The following NSUN2 variants were observed in gnomAD, a reference collection of about 807,000 sequenced individuals.
NSUN2 encodes the protein RNA cytosine C(5)-methyltransferase NSUN2.
A neutral mutation model predicts 92.7 loss-of-function variants in NSUN2; 63 were observed. That is an observed-to-expected ratio of 0.68 (90% CI 0.56 to 0.84). The LOEUF is 0.84. Ranked by LOEUF, NSUN2 falls within the 40% of genes least tolerant of loss-of-function variation. The probability of loss-of-function intolerance (pLI) is 0.00; values close to 1 mark genes in which losing one functional copy is unlikely to be tolerated. For missense variants in NSUN2, 989 were observed against 964.9 expected (o/e 1.02, Z -0.33); for synonymous variants, 356 against 348.3 (o/e 1.02, Z -0.25).
At chr5:6,621,993 T>C (rs750125315) in intron 6 of NSUN2, 23 bp downstream of exon 6, 11 of 1,597,516 alleles carry the variant, frequency 6.9e-6, no homozygotes, top group East Asian at 2.2e-5. Flanking sequence ...TCCTACCATT[T>C]TGAACACAAG....
chr5:6,632,599 C>T lies in NSUN2; in HGVS notation c.254G>A (p.Ser85Asn), dbSNP rs753135033. Reference sequence around the variant, plus strand: ...AAAAAATCAGGCACTGCCTCCCTACCTTTTGTAACCAGTAATTCTTAAAGT... The same window carrying T: ...AAAAAATCAGGCACTGCCTCCCTACTTTTTGTAACCAGTAATTCTTAAAGT... ...PATLRITGYK[S>N]HAKEILHCLK... Residue 85 changes from serine (S) to asparagine (N), a missense_variant and splice_region_variant, in exon 2 of 19, where the codon AGC (serine) becomes AAC (asparagine). Ser to Asn is a conservative substitution (Grantham distance 46). Around this residue, in one of 3 missense-constraint regions of NSUN2, gnomAD observed 356 missense variants for 338.6 expected, o/e 1.05. Coordinates refer to ENST00000264670, the MANE Select transcript of NSUN2 (RefSeq NM_017755.6). 11 of 1,613,584 alleles carry T rather than the reference C, an allele frequency of 6.8e-6. 1 individual carries two copies. In the South Asian group the frequency reaches 8.8e-5, roughly 13 times the overall value.
At position 6,618,040 on chromosome 5, in the gene NSUN2, T is replaced by G. The variant is rs749309441; in HGVS notation, c.816-16A>C. On this transcript the variant is annotated splice_polypyrimidine_tract_variant and intron_variant, in intron 7 of 18. Transcript: ENST00000264670. ...GCCGTCTCCACTGGAAAAAAGATAT[T>G]TATGAGTGCAAAGCTCCCTACAGGT... The G allele has an allele frequency of 1.3e-6, 2 of 1,598,278 alleles. No homozygotes were observed. Among genetic ancestry groups the G allele is most frequent in the Admixed American group, 3.3e-5 (2 of 59,918 alleles).
At chr5:6,622,216 C>T in intron 5 of NSUN2, 116 bp from the exon 6 acceptor site, 1 of 769,532 alleles carries the variant, frequency 1.3e-6, no homozygotes, top group South Asian at 1.7e-5. Context: ...TACTTCTTTA[C>T]AGAGTCTATA....
chr5:6,619,970 T>C, intron 7 of NSUN2, 136 bp downstream of exon 7: 1 of 642,436 alleles, frequency 1.6e-6, no homozygotes, highest in East Asian at 3.2e-5. Context: ...ATCTTTTGGT[T>C]TAGGCTCACG....
chr5:6,605,389 G>C lies in NSUN2; in HGVS notation c.1621C>G (p.Pro541Ala). The stretch of plus-strand genomic sequence containing the variant: ...AACAAATTCATCCTTGGGAATGAAG[G>C]ATCCAAAGCATAAAATTTCCTGTAC... Reference protein sequence around the residue: ...PPIEKFYALDPSFPRMNLLTR... With the variant: ...PPIEKFYALDASFPRMNLLTR... Residue 541 changes from proline (P) to alanine (A), a missense_variant, in exon 15 of 19, where the codon CCT (proline) becomes GCT (alanine). Physicochemically the swap from Pro to Ala is conservative, Grantham distance 27. This residue lies in a region of NSUN2 where 626 missense variants were observed against 602.3 expected (regional missense o/e 1.04). Transcript: ENST00000264670. 1 of 1,614,076 alleles carries C rather than the reference G, an allele frequency of 6.2e-7. No individual in the cohort carries two copies. Among genetic ancestry groups the C allele is most frequent in the Non-Finnish European group, 8.5e-7 (1 of 1,179,980 alleles).
At chr5:6,626,358 TGGG>T (rs1737655696) in intron 3 of NSUN2, among the ~76,000 whole-genome samples, 1 of 150,006 alleles carries the variant, frequency 6.7e-6, no homozygotes, top group African/African-American at 2.4e-5. Context: ...AGGGGAGAAA[TGGG>T]GGATACTAAA....
At chr5:6,606,596 T>TA (rs895771781) in intron 14 of NSUN2, among the ~76,000 whole-genome samples, 2 of 152,054 alleles carry the variant, frequency 1.3e-5, no homozygotes. Context: ...AGTTTTTTTT[T>TA]ATCTATCATG....
intron 17 of NSUN2, among the ~76,000 whole-genome samples, chr5:6,603,473 C>T (rs1367407672): frequency 6.6e-6 from 1 of 152,192 alleles, no homozygotes. Flanking sequence ...AGGCAGATCA[C>T]AAGGTCAGGA....
chr5:6,602,648 G>A, intron 17 of NSUN2, 148 bp from the exon 18 acceptor site: 2 of 798,764 alleles, frequency 2.5e-6, no homozygotes, highest in Non-Finnish European at 4.3e-6. Context: ...GATCTAGATG[G>A]TGAAAAGAGG....
intron 10 of NSUN2, among the ~76,000 whole-genome samples, chr5:6,611,484 G>T (rs1736989731): frequency 9.6e-6 from 1 of 104,116 alleles, no homozygotes; most frequent in South Asian, 2.8e-4. Flanking sequence ...ACCCTTACAG[G>T]GATGAGAGTA....
At position 6,600,093 on chromosome 5, in the gene NSUN2, C is replaced by G; in HGVS notation, c.2137G>C (p.Glu713Gln). The G allele has an allele frequency of 6.2e-7, 1 of 1,614,242 alleles. No individual in the cohort carries two copies. Among genetic ancestry groups the G allele is most frequent in the Non-Finnish European group, 8.5e-7 (1 of 1,180,048 alleles). ...GLEVLGEKKK[E>Q]GVILTNESAA... ...CTCTCATTTGTGAGGATAACCCCTT[C>G]CTTCTTCTTTTCTCCCAATACCTCC... The change falls in exon 19 of 19, where the codon GAA becomes CAA. Residue 713 changes from glutamate to glutamine, a missense_variant. Physicochemically the swap from Glu to Gln is conservative, Grantham distance 29. Around this residue, in one of 3 missense-constraint regions of NSUN2, gnomAD observed 626 missense variants for 602.3 expected, o/e 1.04. Coordinates refer to ENST00000264670, the MANE Select transcript of NSUN2 (RefSeq NM_017755.6).
chr5:6,599,919 G>A lies in NSUN2; in HGVS notation c.*7C>T, dbSNP rs372577186. On this transcript the variant is annotated 3_prime_UTR_variant, in exon 19 of 19. Coordinates refer to ENST00000264670, the MANE Select transcript of NSUN2 (RefSeq NM_017755.6). Reference sequence around the variant, plus strand: ...AGGGGTGTGGGCCCCCGCTGCCTTGGGCCTGCTCACCGGGGTGGATGGACC... The same window carrying A: ...AGGGGTGTGGGCCCCCGCTGCCTTGAGCCTGCTCACCGGGGTGGATGGACC... 5.0e-6 allele frequency: 8 copies of A among 1,610,924 alleles called. No homozygotes were observed. The highest frequency in any genetic ancestry group is 6.8e-6 in the Non-Finnish European group (8 of 1,179,182).
intron 12 of NSUN2, among the ~76,000 whole-genome samples, chr5:6,609,401 G>A (rs1194739755): frequency 5.3e-5 from 8 of 152,288 alleles, no homozygotes; most frequent in Non-Finnish European, 1.0e-4. Context: ...GGACAAGGCC[G>A]TCATCATTCC....
rs370261208 is a variant in NSUN2, at chr5:6,623,312, CA to C, written c.466-28del. 220 of 1,400,978 alleles carry C rather than the reference CA, an allele frequency of 1.6e-4. 2 individuals carry two copies. In the East Asian group the frequency reaches 5.3e-3, roughly 34 times the overall value. 86.8% of individuals were successfully genotyped at this position (1,400,978 alleles called of 1,614,324 possible). On this transcript the variant is annotated intron_variant, in intron 4 of 18. Coordinates refer to ENST00000264670, the MANE Select transcript of NSUN2 (RefSeq NM_017755.6). ...TTGAGGAAAAAAAAAAAATCAGCAACAATTAGGAAAAAAAAAAAAACCGCAG... is the reference window on the plus strand; with the variant it reads ...TTGAGGAAAAAAAAAAAATCAGCAACATTAGGAAAAAAAAAAAAACCGCAG...
intron 16 of NSUN2, 111 bp downstream of exon 16, chr5:6,604,494 C>A: frequency 1.9e-6 from 2 of 1,058,916 alleles, no homozygotes. Flanking sequence ...CTGGTAGGTG[C>A]CAGCCAAGCC....
rs912087636 is a variant in NSUN2 at position 6,599,771 on chromosome 5, A to T, written c.*155T>A. ...AGCTCCAAAGAAAGCAGTCCTGGTC[A>T]TTCAGAAGGCTCCTATGATCCCACC... On this transcript the variant is annotated 3_prime_UTR_variant, in exon 19 of 19. Transcript: ENST00000264670. 2.5e-5 allele frequency: 17 copies of T among 680,824 alleles called. No homozygotes were observed. The highest frequency in any genetic ancestry group is 3.6e-5 in the Non-Finnish European group (14 of 388,190). 42.2% of individuals were successfully genotyped at this position (680,824 alleles called of 1,614,324 possible). A position where few individuals can be genotyped will look rare whatever the true frequency, so the allele number is the denominator to read the frequency against.
At chr5:6,618,379 C>T (rs751452260) in intron 7 of NSUN2, among the ~76,000 whole-genome samples, 5 of 152,328 alleles carry the variant, frequency 3.3e-5, no homozygotes, top group Non-Finnish European at 5.9e-5. Context: ...AGTTAATCAA[C>T]AATGACACTT....
At position 6,607,393 on chromosome 5, in the gene NSUN2, A is replaced by C. The variant is rs763932518; in HGVS notation, c.1324-9T>G. The C allele has an allele frequency of 6.2e-7, 1 of 1,602,722 alleles. No homozygotes were observed. The highest frequency in any genetic ancestry group is 8.5e-7 in the Non-Finnish European group (1 of 1,172,616). On this transcript the variant is annotated splice_polypyrimidine_tract_variant and intron_variant, in intron 12 of 18. Coordinates refer to ENST00000264670, the MANE Select transcript of NSUN2 (RefSeq NM_017755.6). ...GCAGATTTACCCTGAAGCTGTCATA[A>C]AGAACAATTTCATTGACACACAAAG... is the stretch of plus-strand genomic sequence containing the variant.
chr5:6,607,460 C>T (rs1358457910), intron 12 of NSUN2, 76 bp from the exon 13 acceptor site: 10 of 1,245,452 alleles, frequency 8.0e-6, no homozygotes, highest in East Asian at 2.4e-5. Context: ...AAAAATACCA[C>T]GTTCACAAAA....
Sources: gnomAD v4.1 joint callset for allele counts (sites outside exome capture counted in the v4.1 genomes callset) on GRCh38, gnomAD v4.1.1 for gene constraint, gnomAD v4.1.1 regional missense constraint, MANE v1.5 for transcripts, NCBI Gene and HGNC (gene_info 2026-07-23, HGNC 2026-07-21) for gene names.